Variants in YES1 observed in about 807,000 individuals in gnomAD.
YES1 encodes the protein YES proto-oncogene 1, Src family tyrosine kinase, also known as tyrosine-protein kinase Yes.
Under a neutral mutation model 70.4 loss-of-function variants are expected in YES1, and 39 were observed. That is an observed-to-expected ratio of 0.55 (90% CI 0.43 to 0.72). The LOEUF is 0.72. Among genes scored for constraint, YES1 ranks in the 30% least tolerant of loss-of-function variants. YES1 has a pLI of 0.00. For synonymous variants in YES1, 198 were observed against 218.6 expected, an observed-to-expected ratio of 0.91 and a Z score of 0.83; for missense variants, 495 against 644.8, an observed-to-expected ratio of 0.77 and a Z score of 2.52.
intron 1 of YES1, among the ~76,000 whole-genome samples, chr18:802,111 T>C (rs547972720): frequency 6.6e-6 from 1 of 152,226 alleles, no homozygotes; most frequent in East Asian, 1.9e-4. Context: ...AAAAGAAAAG[T>C]CTAGGGTGGG....
intron 11 of YES1, among the ~76,000 whole-genome samples, chr18:727,881 TCTGA>T (rs2080040390): frequency 6.6e-6 from 1 of 152,200 alleles, no homozygotes; most frequent in Non-Finnish European, 1.5e-5. Context: ...AAGTTAGCTG[TCTGA>T]CTGTTGTTCC....
chr18:786,097 A>G (rs1905922780), intron 1 of YES1, among the ~76,000 whole-genome samples: 1 of 152,190 alleles, frequency 6.6e-6, no homozygotes. Context: ...TCTCTTCTTT[A>G]TAAATTACCA....
chr18:728,236 G>A (rs1417418198), intron 11 of YES1, among the ~76,000 whole-genome samples: 1 of 151,722 alleles, frequency 6.6e-6, no homozygotes, highest in African/African-American at 2.4e-5. Flanking sequence ...TGAGGTGGGA[G>A]GATCACCTGA....
intron 10 of YES1, among the ~76,000 whole-genome samples, chr18:735,523 C>T (rs189598676): frequency 6.6e-6 from 1 of 151,952 alleles, no homozygotes; most frequent in Admixed American, 6.6e-5. Flanking sequence ...TAAAAGACTA[C>T]ATGTTGGAGG....
intron 1 of YES1, among the ~76,000 whole-genome samples, chr18:798,704 G>C (rs142660108): frequency 2.8e-4 from 43 of 152,076 alleles, no homozygotes; most frequent in Non-Finnish European, 4.7e-4. Context: ...CCACCAGTGC[G>C]CTTCCTAACC....
chr18:777,851 GA>G (rs1905463034), intron 1 of YES1, among the ~76,000 whole-genome samples: 1 of 149,834 alleles, frequency 6.7e-6, no homozygotes, highest in Non-Finnish European at 1.5e-5. Context: ...ACCTATATCA[GA>G]ACATACTTTA....
At chr18:743,209 C>A in intron 7 of YES1, 51 bp downstream of exon 7, 2 of 1,584,188 alleles carry the variant, frequency 1.3e-6, no homozygotes, top group Non-Finnish European at 1.7e-6. Context: ...AATTGTTGCA[C>A]TTTAATCCAC....
In YES1 at chr18:771,473, C is replaced by T. The variant is rs371392344; in HGVS notation, c.-8-14638G>A. On this transcript the variant is annotated intron_variant, in intron 1 of 11. Coordinates refer to ENST00000314574, the MANE Select transcript of YES1 (RefSeq NM_005433.4). ...AAAATATTTATTCCTTAAAAATCAC[C>T]TTCAAATAAATTAACATTTTAAGTG... Among the ~76,000 whole-genome samples the T allele has an allele frequency of 3.9e-5, 6 of 152,166 alleles. No individual in the cohort carries two copies. In the South Asian group the frequency reaches 1.0e-3, roughly 26 times the overall value.
intron 1 of YES1, among the ~76,000 whole-genome samples, chr18:762,134 A>G (rs1178270035): frequency 2.0e-5 from 3 of 152,166 alleles, no homozygotes; most frequent in Non-Finnish European, 4.4e-5. Context: ...CAGCCTGACC[A>G]ATGTGGAGAA....
chr18:796,431 C>A (rs536600695), intron 1 of YES1, among the ~76,000 whole-genome samples: 1 of 152,248 alleles, frequency 6.6e-6, no homozygotes, highest in African/African-American at 2.4e-5. Context: ...TTGCTGTTAT[C>A]ATGGTTATAA....
intron 1 of YES1, among the ~76,000 whole-genome samples, chr18:784,536 A>G (rs889524268): frequency 1.3e-5 from 2 of 152,264 alleles, no homozygotes; most frequent in Admixed American, 6.5e-5. Context: ...CTTACAGTTC[A>G]GAAGTCTGAC....
chr18:749,916 A>C (rs1283417237), intron 3 of YES1, among the ~76,000 whole-genome samples: 1 of 152,114 alleles, frequency 6.6e-6, no homozygotes, highest in Non-Finnish European at 1.5e-5. Context: ...ATTAAATGAT[A>C]ATTCAGAACA....
chr18:736,760 A>G, intron 10 of YES1, 48 bp downstream of exon 10: 1 of 1,586,720 alleles, frequency 6.3e-7, no homozygotes, highest in Admixed American at 1.8e-5. Context: ...AAGAGAGTTA[A>G]GCAAAACACA....
chr18:736,629 T>G, intron 10 of YES1, 179 bp downstream of exon 10: 1 of 761,356 alleles, frequency 1.3e-6, no homozygotes, highest in African/African-American at 1.8e-5. Context: ...AAGTTCTTTC[T>G]TGGAGGAAAT....
At chr18:774,774 G>A (rs1193358584) in intron 1 of YES1, among the ~76,000 whole-genome samples, 1 of 152,164 alleles carries the variant, frequency 6.6e-6, no homozygotes. Context: ...CACAGCAGTA[G>A]TTTAACATCA....
rs2079972894 is a variant in YES1, at chr18:722,917, TG to T, written c.*1506del. 1 of 150,968 alleles carries T rather than the reference TG, an allele frequency of 6.6e-6. No individual in the cohort carries two copies. The highest frequency in any genetic ancestry group is 2.1e-4 in the South Asian group (1 of 4,766). 9.4% of individuals were successfully genotyped at this position (150,968 alleles called of 1,614,324 possible). On this transcript the variant is annotated 3_prime_UTR_variant, in exon 12 of 12. Coordinates refer to ENST00000314574, the MANE Select transcript of YES1 (RefSeq NM_005433.4). ...ACTATCCTGGCTAACACGGTGAAAC[TG>T]CGTCTCTACTAAAAATACAAAAAAC...
intron 4 of YES1, among the ~76,000 whole-genome samples, chr18:746,737 C>G (rs2080285747): frequency 6.6e-6 from 1 of 152,186 alleles, no homozygotes; most frequent in African/African-American, 2.4e-5. Context: ...CCCAGATAAA[C>G]TGGTTTAACC....
intron 7 of YES1, 74 bp from the exon 8 acceptor site, chr18:743,171 C>A: frequency 6.4e-7 from 1 of 1,550,530 alleles, no homozygotes; most frequent in South Asian, 1.2e-5. Context: ...CAGCACTTCT[C>A]TTAAATATTG....
chr18:757,515 AAAAG>A (rs1347223571), intron 1 of YES1, among the ~76,000 whole-genome samples: 7 of 147,564 alleles, frequency 4.7e-5, no homozygotes, highest in Non-Finnish European at 7.5e-5. Flanking sequence ...AAAAAAAAAA[AAAAG>A]AAAGAAAAAG....
Sources: allele counts gnomAD v4.1 joint callset (sites outside exome capture counted in the v4.1 genomes callset), GRCh38; gene constraint gnomAD v4.1.1; transcripts MANE v1.5; gene names NCBI Gene and HGNC (gene_info 2026-07-23, HGNC 2026-07-21).